Variants in RECK observed in about 807,000 individuals in gnomAD.
The protein encoded by RECK is reversion-inducing cysteine-rich protein with Kazal motifs.
RECK carries 69 observed loss-of-function variants against 115.1 expected under a neutral mutation model. The ratio of observed to expected loss-of-function variants is 0.60; its 90% CI spans 0.49 to 0.73. The LOEUF (loss-of-function observed/expected upper bound fraction) is 0.73. RECK is among the 30% of genes least tolerant of loss of function. The probability of loss-of-function intolerance (pLI) is 0.00; values close to 1 mark genes in which losing one functional copy is unlikely to be tolerated. For missense variants in RECK, 1,047 were observed against 1,203.7 expected, an observed-to-expected ratio of 0.87 and a Z score of 1.93; for synonymous variants, 414 against 419.7, an observed-to-expected ratio of 0.99 and a Z score of 0.17.
At chr9:36,045,579 CATTA>C (rs918535525) in intron 1 of RECK, among the ~76,000 whole-genome samples, 15 of 147,330 alleles carry the variant, frequency 1.0e-4, no homozygotes, top group Admixed American at 2.7e-4. Flanking sequence ...TTTAGGGAGA[CATTA>C]ATTAGAGGGA....
rs1283978538 is a variant in RECK at position 36,083,474 on chromosome 9, G to A, written c.549G>A (p.Val183=). 5.0e-6 allele frequency: 8 copies of A among 1,613,964 alleles called. No individual in the cohort carries two copies. The highest frequency in any genetic ancestry group is 6.8e-6 in the Non-Finnish European group (8 of 1,179,950). ...CTGGTCCATCTCAGATAAAAGCAGT[G>A]GAAAATTATTGCGCCTCTATTAGTC... is the stretch of plus-strand genomic sequence containing the variant. ...SSPGPSQIKA[V]ENYCASISPQ... is the part of the protein sequence containing the mutation. Residue 183 remains valine, a synonymous_variant, in exon 8 of 21, where the codon GTG becomes GTA. Transcript: ENST00000377966.
chr9:36,105,284 G>A lies in RECK; in HGVS notation c.1576+1G>A, dbSNP rs779206445. 6.2e-7 allele frequency: 1 copy of A among 1,613,922 alleles called. No homozygotes were observed. The highest frequency in any genetic ancestry group is 1.1e-5 in the South Asian group (1 of 91,072). On this transcript the variant is annotated splice_donor_variant, in intron 13 of 20. Transcript: ENST00000377966. LOFTEE classifies it high-confidence loss of function. ...TGTCTTCCATACTTTTGTGTTCAAG[G>A]TAAGAGGTAGGTGGGTGTGAGAAGA... is the stretch of plus-strand genomic sequence containing the variant.
At position 36,117,135 on chromosome 9, in the gene RECK, AT is replaced by A; in HGVS notation, c.2212del (p.Tyr738ThrfsTer95). On this transcript the variant is annotated frameshift_variant, in exon 17 of 21. Coordinates refer to ENST00000377966, the MANE Select transcript of RECK (RefSeq NM_021111.3). LOFTEE classifies it high-confidence loss of function. Reference sequence around the variant, plus strand: ...TGGAGCACAACAATCTCTGCACTTTATACCAAAGAGGAAAAAGCCTCTCTTA... The same window carrying A: ...TGGAGCACAACAATCTCTGCACTTTAACCAAAGAGGAAAAAGCCTCTCTTA... ...HMEHNNLCTL[Y>X]QRGKSLSYKG... 1 of 1,613,582 alleles carries A rather than the reference AT, an allele frequency of 6.2e-7. No homozygotes were observed. The highest frequency in any genetic ancestry group is 2.2e-5 in the East Asian group (1 of 44,878).
At chr9:36,103,774 C>CT (rs1193162429) in intron 12 of RECK, among the ~76,000 whole-genome samples, 7 of 152,124 alleles carry the variant, frequency 4.6e-5, no homozygotes, top group African/African-American at 1.7e-4. Context: ...GAATTTAGAC[C>CT]TTTGTGTCTT....
chr9:36,113,678 G>C (rs998225518), intron 16 of RECK, among the ~76,000 whole-genome samples: 3 of 152,110 alleles, frequency 2.0e-5, no homozygotes, highest in Non-Finnish European at 4.4e-5. Context: ...CATGGTAACA[G>C]ACAAATGACA....
chr9:36,055,364 A>G (rs1476923653), intron 2 of RECK, among the ~76,000 whole-genome samples: 2 of 152,198 alleles, frequency 1.3e-5, no homozygotes, highest in Non-Finnish European at 2.9e-5. Context: ...TTTTAGAGAC[A>G]GAAGGGACCC....
intron 1 of RECK, among the ~76,000 whole-genome samples, chr9:36,045,780 C>T (rs536274072): frequency 4.6e-5 from 7 of 151,908 alleles, no homozygotes; most frequent in Non-Finnish European, 8.8e-5. Flanking sequence ...TTAGAAGCTG[C>T]GTTTTTCTGC....
At chr9:36,060,278 C>A in intron 4 of RECK, 123 bp downstream of exon 4, 1 of 951,052 alleles carries the variant, frequency 1.1e-6, no homozygotes, top group Non-Finnish European at 1.6e-6. Flanking sequence ...TCCTTCCCTT[C>A]AACACCTAAA....
intron 12 of RECK, among the ~76,000 whole-genome samples, chr9:36,104,744 G>A (rs949180734): frequency 2.6e-5 from 4 of 151,944 alleles, no homozygotes; most frequent in African/African-American, 4.8e-5. Flanking sequence ...CCTGGCCTCC[G>A]GTGATCCGCC....
intron 12 of RECK, among the ~76,000 whole-genome samples, chr9:36,104,292 G>GTGTA (rs34438663): frequency 0.018 from 781 of 43,702 alleles, 4 homozygotes; most frequent in South Asian, 0.03. Flanking sequence ...GTGTGTGTGT[G>GTGTA]TATATATATA....
chr9:36,087,606 A>C, intron 8 of RECK, 88 bp from the exon 9 acceptor site: 2 of 1,386,816 alleles, frequency 1.4e-6, no homozygotes, highest in Non-Finnish European at 2.0e-6. Context: ...AAATCTGCAC[A>C]TTCTGCACAT....
chr9:36,061,006 G>A (rs1821736173), intron 4 of RECK, among the ~76,000 whole-genome samples: 1 of 152,052 alleles, frequency 6.6e-6, no homozygotes, highest in South Asian at 2.1e-4. Flanking sequence ...CACCTGTCCT[G>A]TCTATTTCTA....
intron 11 of RECK, among the ~76,000 whole-genome samples, chr9:36,101,511 C>T (rs114685022): frequency 0.019 from 2,902 of 152,180 alleles, 88 homozygotes; most frequent in African/African-American, 0.066. Context: ...GACATGGCTT[C>T]GGGATAACCT....
At chr9:36,110,152 C>T in intron 15 of RECK, 73 bp downstream of exon 15, 1 of 1,491,798 alleles carries the variant, frequency 6.7e-7, no homozygotes, top group South Asian at 1.2e-5. Context: ...TTCAAGGCAG[C>T]TTCTCCAGTC....
intron 1 of RECK, 69 bp from the exon 2 acceptor site, chr9:36,052,196 C>T (rs929265094): frequency 1.1e-6 from 1 of 902,140 alleles, no homozygotes; most frequent in Non-Finnish European, 1.9e-6. Context: ...GTTTGTGTAA[C>T]CATCTGAATT....
rs1428470829 is a variant in RECK at position 36,122,862 on chromosome 9, C to G, written c.2733C>G (p.Ser911=). The G allele has an allele frequency of 1.9e-6, 3 of 1,614,146 alleles. No individual in the cohort carries two copies. The highest frequency in any genetic ancestry group is 1.1e-5 in the South Asian group (1 of 91,078). ...ACNKEAEKIE[S]LINSDSPTLA... is the part of the protein sequence containing the mutation. ...ATAAAGAAGCAGAGAAGATTGAGTC[C>G]CTTATCAACTCTGACAGCCCGACTT... Residue 911 remains serine, a synonymous_variant, in exon 21 of 21, where the codon TCC becomes TCG. Coordinates refer to ENST00000377966, the MANE Select transcript of RECK (RefSeq NM_021111.3).
chr9:36,112,364 T>C lies in RECK; in HGVS notation c.1948T>C (p.Tyr650His). 1 of 1,613,876 alleles carries C rather than the reference T, an allele frequency of 6.2e-7. No individual in the cohort carries two copies. Among genetic ancestry groups the C allele is most frequent in the Non-Finnish European group, 8.5e-7 (1 of 1,180,018 alleles). ...TGTATGTGGGCAGAATGGGCGCACT[T>C]ACCCCAGTGCCTGCATTGCTCGCTG... ...VPVCGQNGRT[Y>H]PSACIARCVG... Residue 650 changes from tyrosine (Y) to histidine (H), a missense_variant, in exon 16 of 21, where the codon TAC becomes CAC. Coordinates refer to ENST00000377966, the MANE Select transcript of RECK (RefSeq NM_021111.3).
chr9:36,052,419 G>C, intron 2 of RECK, 96 bp downstream of exon 2: 1 of 860,962 alleles, frequency 1.2e-6, no homozygotes, highest in Non-Finnish European at 2.0e-6. Flanking sequence ...GATTGCTTAA[G>C]GCCAGGGGTT....
At chr9:36,117,313 C>G in intron 17 of RECK, 136 bp downstream of exon 17, 3 of 651,454 alleles carry the variant, frequency 4.6e-6, no homozygotes, top group Non-Finnish European at 7.6e-6. Flanking sequence ...CAGTCCTCCA[C>G]TAAAAAGGAA....
Sources: allele counts gnomAD v4.1 joint callset (sites outside exome capture counted in the v4.1 genomes callset), GRCh38; gene constraint gnomAD v4.1.1; transcripts MANE v1.5; gene names NCBI Gene and HGNC (gene_info 2026-07-23, HGNC 2026-07-21).